ADH1B: variants seen among roughly 807,000 people sequenced by gnomAD.
ADH1B encodes all-trans-retinol dehydrogenase [NAD(+)] ADH1B.
ADH1B carries 29 observed loss-of-function variants against 34.6 expected under a neutral mutation model. That is an observed-to-expected ratio of 0.84 (90% CI 0.62 to 1.14). The LOEUF (loss-of-function observed/expected upper bound fraction) is 1.14, where lower values mean the gene tolerates loss of function less well. Ranked by LOEUF, ADH1B falls within the 50% of genes most tolerant of loss-of-function variation. ADH1B has a pLI of 0.00. For synonymous variants in ADH1B, 170 were observed against 175.5 expected, an observed-to-expected ratio of 0.97 and a Z score of 0.25; for missense variants, 424 against 468.4, an observed-to-expected ratio of 0.91 and a Z score of 0.87.
Position 99,318,779 on chromosome 4 carries a change from T to A in ADH1B, c.120+6A>T, listed in dbSNP as rs1225107473. 6.3e-7 allele frequency: 1 copy of A among 1,599,902 alleles called. No homozygotes were observed. The highest frequency in any genetic ancestry group is 1.3e-5 in the African/African-American group (1 of 74,100). On this transcript the variant is annotated splice_donor_region_variant and intron_variant, in intron 2 of 8. Coordinates refer to ENST00000305046, the MANE Select transcript of ADH1B (RefSeq NM_000668.6). ...AAAATGAAATATAAATGGAAAAATA[T>A]TTCACCTTAATGCGAACTTCATAAG...
chr4:99,312,874 G>C (rs1283591667), intron 6 of ADH1B, among the ~76,000 whole-genome samples: 1 of 151,974 alleles, frequency 6.6e-6, no homozygotes, highest in Non-Finnish European at 1.5e-5. Flanking sequence ...AAAAAAGTCA[G>C]CTGACATTTA....
At chr4:99,316,407 T>G in intron 3 of ADH1B, 105 bp from the exon 4 acceptor site, 1 of 1,163,428 alleles carries the variant, frequency 8.6e-7, no homozygotes, top group Non-Finnish European at 1.2e-6. Flanking sequence ...TCTTTAAAAG[T>G]CTTTAAGGAA....
intron 5 of ADH1B, chr4:99,314,424 T>C (rs1186498546): frequency 1.8e-5 from 5 of 284,140 alleles, no homozygotes; most frequent in Non-Finnish European, 2.6e-5. Flanking sequence ...ACCAGGGGAC[T>C]GGATGATCTT....
At chr4:99,316,774 C>T (rs1733896095) in intron 3 of ADH1B, 1 of 151,652 alleles carries the variant, frequency 6.6e-6, no homozygotes, top group South Asian at 2.1e-4. Flanking sequence ...AATTTTTAAC[C>T]AATTCTTGAC....
intron 1 of ADH1B, chr4:99,321,035 G>T: frequency 1.5e-6 from 1 of 661,526 alleles, no homozygotes; most frequent in Non-Finnish European, 2.2e-6. Flanking sequence ...GTCATGATTA[G>T]CTTGGAATAA....
intron 8 of ADH1B, 133 bp from the exon 9 acceptor site, chr4:99,307,997 T>A: frequency 8.6e-7 from 1 of 1,165,586 alleles, no homozygotes; most frequent in Non-Finnish European, 1.2e-6. Context: ...TCCATCCCCA[T>A]ACATTTGGTT....
rs764980088 is a variant in ADH1B, at chr4:99,315,853, G to T, written c.567+45C>A. The T allele has an allele frequency of 8.1e-6, 13 of 1,607,690 alleles. No individual in the cohort carries two copies. In the South Asian group the frequency reaches 1.4e-4, roughly 18 times the overall value. ...AGAAATTGCTTCCCTTTTGGTTTCC[G>T]ACAGTCTGCATGTAAGCAGTTTTAT... On this transcript the variant is annotated intron_variant, in intron 5 of 8. Transcript: ENST00000305046.
Position 99,307,689 on chromosome 4 carries a change from A to G in ADH1B, c.*151T>C. Reference sequence around the variant, plus strand: ...AAATTTTCCTGAAAAATAATTTCCCATCAATTTCCATTTCTTTGGAAAGCC... The same window carrying G: ...AAATTTTCCTGAAAAATAATTTCCCGTCAATTTCCATTTCTTTGGAAAGCC... On this transcript the variant is annotated 3_prime_UTR_variant, in exon 9 of 9. Transcript: ENST00000305046. The G allele has an allele frequency of 1.1e-6, 1 of 935,464 alleles. No homozygotes were observed. Among genetic ancestry groups the G allele is most frequent in the Middle Eastern group, 3.0e-4 (1 of 3,296 alleles). The allele number at this position is 935,464 out of a possible 1,614,324, so 57.9% of individuals were successfully genotyped here.
Position 99,315,931 on chromosome 4 carries a change from C to T in ADH1B, c.534G>A (p.Ser178=), listed in dbSNP as rs142861273. 277 of 1,614,064 alleles carry T rather than the reference C, an allele frequency of 1.7e-4. 1 individual carries two copies. The highest frequency in any genetic ancestry group is 2.0e-4 in the Non-Finnish European group (241 of 1,180,036). ...CGTTAACTGCAGACCCATAACCAGT[C>T]GAGAATCCACAGCCAATGAGGCAGA... The part of the protein sequence containing the change: ...EKVCLIGCGF[S]TGYGSAVNVA... The change falls in exon 5 of 9, where the codon TCG becomes TCA. Residue 178 remains serine (S), a synonymous_variant. Transcript: ENST00000305046.
intron 5 of ADH1B, 84 bp from the exon 6 acceptor site, chr4:99,314,165 T>A: frequency 6.4e-7 from 1 of 1,554,628 alleles, no homozygotes; most frequent in South Asian, 1.2e-5. Flanking sequence ...TGCGTAGGTG[T>A]TTATCAAGAA....
chr4:99,315,117 G>A (rs1406136151), intron 5 of ADH1B: 1 of 152,150 alleles, frequency 6.6e-6, no homozygotes, highest in African/African-American at 2.4e-5. Flanking sequence ...GATTCAGCAG[G>A]AGATTTGAAA....
chr4:99,313,237 T>C (rs1733794480), intron 6 of ADH1B, among the ~76,000 whole-genome samples: 1 of 152,002 alleles, frequency 6.6e-6, no homozygotes, highest in African/African-American at 2.4e-5. Context: ...CTTTTCAAAG[T>C]ATTCAGTCCA....
intron 8 of ADH1B, among the ~76,000 whole-genome samples, chr4:99,309,328 A>T (rs950867860): frequency 1.3e-5 from 2 of 152,170 alleles, no homozygotes; most frequent in Non-Finnish European, 2.9e-5. Context: ...GTATGTATCA[A>T]TTACTACTGA....
At chr4:99,316,464 T>G in intron 3 of ADH1B, 162 bp from the exon 4 acceptor site, 1 of 803,640 alleles carries the variant, frequency 1.2e-6, no homozygotes, top group South Asian at 1.9e-5. Flanking sequence ...TGCCACAGCA[T>G]TGTTTTCAGT....
At chr4:99,319,696 C>T (rs1397644404) in intron 1 of ADH1B, 1 of 152,138 alleles carries the variant, frequency 6.6e-6, no homozygotes, top group African/African-American at 2.4e-5. Context: ...TAAAGTTCAG[C>T]ATATATTTCT....
chr4:99,314,917 T>C (rs1733839830), intron 5 of ADH1B: 1 of 152,224 alleles, frequency 6.6e-6, no homozygotes, highest in Non-Finnish European at 1.5e-5. Flanking sequence ...TCAGTCTTCA[T>C]TGTGGGTAAC....
chr4:99,319,781 A>G (rs1401490301), intron 1 of ADH1B: 1 of 152,200 alleles, frequency 6.6e-6, no homozygotes, highest in Non-Finnish European at 1.5e-5. Context: ...CCTTTCTAGA[A>G]AGAACCAACA....
In ADH1B at chr4:99,307,100, G is replaced by T. The variant is rs1733627827; in HGVS notation, c.*740C>A. On this transcript the variant is annotated 3_prime_UTR_variant, in exon 9 of 9. Transcript: ENST00000305046. ...CATCAGCAAAAATTACAGATTTTTT[G>T]AACATGATTCTGGGAATAGTTCAGT... 1 of 152,112 alleles carries T rather than the reference G, an allele frequency of 6.6e-6. No homozygotes were observed. The highest frequency in any genetic ancestry group is 2.4e-5 in the African/African-American group (1 of 41,432). The allele number at this position is 152,112 out of a possible 1,614,324, so 9.4% of individuals were successfully genotyped here. A position where few individuals can be genotyped will look rare whatever the true frequency, so the allele number is the denominator to read the frequency against.
chr4:99,315,528 G>A (rs1311444977), intron 5 of ADH1B: 2 of 317,718 alleles, frequency 6.3e-6, no homozygotes, highest in Non-Finnish European at 1.2e-5. Flanking sequence ...AAGGGCAAAC[G>A]CTTCATTTCA....
Sources: allele counts gnomAD v4.1 joint callset (sites outside exome capture counted in the v4.1 genomes callset), GRCh38; gene constraint gnomAD v4.1.1; transcripts MANE v1.5; gene names NCBI Gene and HGNC (gene_info 2026-07-23, HGNC 2026-07-21).